HOGA1: variants seen among roughly 807,000 people sequenced by gnomAD.
The protein encoded by HOGA1 is 4-hydroxy-2-oxoglutarate aldolase, mitochondrial.
HOGA1 carries 30 observed loss-of-function variants against 34.3 expected under a neutral mutation model. The observed-to-expected ratio is 0.87, with a 90% CI of 0.65 to 1.19. The LOEUF is 1.19. Ranked by LOEUF, HOGA1 falls within the 50% of genes most tolerant of loss-of-function variation. The pLI is 0.00. For missense variants in HOGA1, 417 were observed against 436.5 expected, an observed-to-expected ratio of 0.96 and a Z score of 0.40; for synonymous variants, 161 against 174.0, an observed-to-expected ratio of 0.93 and a Z score of 0.59.
rs529462497 is a variant in HOGA1 at position 97,603,844 on chromosome 10, G to GTCA, written c.834+1854_834+1855insTCA. Among the ~76,000 whole-genome samples the GTCA allele has an allele frequency of 7.2e-4, 109 of 152,312 alleles. 1 individual carries two copies. The South Asian group carries it at 0.011, about 15-fold the overall frequency. Reference sequence around the variant, plus strand: ...CAAAGTGCTGGGATTACAGGCATGAGCCACTGCGCCTGGCCAAACTTTTTA... The same window carrying GTCA: ...CAAAGTGCTGGGATTACAGGCATGAGTCACCACTGCGCCTGGCCAAACTTTTTA... On this transcript the variant is annotated intron_variant, in intron 6 of 6. Coordinates refer to ENST00000370646, the MANE Select transcript of HOGA1 (RefSeq NM_138413.4). The surrounding 1 kb of genome is among the most constrained non-coding windows in gnomAD (Gnocchi z 4.5).
intron 1 of HOGA1, among the ~76,000 whole-genome samples, chr10:97,598,078 ATGTT>A (rs1018291964): frequency 1.3e-5 from 2 of 152,226 alleles, no homozygotes; most frequent in African/African-American, 4.8e-5. Flanking sequence ...TTTACAGAAA[ATGTT>A]TGTTTCAGCA....
intron 1 of HOGA1, among the ~76,000 whole-genome samples, chr10:97,589,544 G>T (rs1007524706): frequency 2.6e-5 from 4 of 152,020 alleles, no homozygotes; most frequent in African/African-American, 9.7e-5. Context: ...CAGCTGTCAG[G>T]GTAGGAGACA....
chr10:97,588,359 G>A (rs113903447), intron 1 of HOGA1, among the ~76,000 whole-genome samples: 8 of 143,252 alleles, frequency 5.6e-5, no homozygotes, highest in African/African-American at 1.7e-4. Flanking sequence ...CACCATGCAC[G>A]GCTAATTTTT....
At position 97,600,261 on chromosome 10, in the gene HOGA1, G is replaced by A. The variant is rs1589908688; in HGVS notation, c.700+98G>A. The stretch of plus-strand genomic sequence containing the variant: ...GATCGTGAGGGCTGGGGCTGGGTCT[G>A]CAGATGGTAGTTTGCCAGCCTGCCC... On this transcript the variant is annotated intron_variant, in intron 5 of 6. Coordinates refer to ENST00000370646, the MANE Select transcript of HOGA1 (RefSeq NM_138413.4). 5 of 1,026,998 alleles carry A rather than the reference G, an allele frequency of 4.9e-6. No homozygotes were observed. The East Asian group carries it at 1.2e-4, about 24-fold the overall frequency. The allele number at this position is 1,026,998 out of a possible 1,614,324, so 63.6% of individuals were successfully genotyped here. A position where few individuals can be genotyped will look rare whatever the true frequency, so the allele number is the denominator to read the frequency against.
intron 1 of HOGA1, among the ~76,000 whole-genome samples, chr10:97,587,305 G>A (rs1475438904): frequency 6.6e-6 from 1 of 152,140 alleles, no homozygotes; most frequent in Non-Finnish European, 1.5e-5. Flanking sequence ...AGGAGATGAG[G>A]GCCAGGCACA....
chr10:97,593,601 G>A (rs888916781), intron 1 of HOGA1, among the ~76,000 whole-genome samples: 3 of 152,060 alleles, frequency 2.0e-5, no homozygotes, highest in Admixed American at 1.3e-4. Context: ...AACTTTGGCC[G>A]CAGACCAGGG....
chr10:97,601,800 T>G, intron 5 of HOGA1, 57 bp from the exon 6 acceptor site: 1 of 1,609,090 alleles, frequency 6.2e-7, no homozygotes, highest in Non-Finnish European at 8.5e-7. Context: ...GGACCAGGGC[T>G]TGGGATGCCT....
At position 97,584,740 on chromosome 10, in the gene HOGA1, G is replaced by A. The variant is rs2040952744; in HGVS notation, c.37G>A (p.Gly13Arg). Residue 13 changes from glycine (G) to arginine (R), a missense_variant, in exon 1 of 7, where the codon GGG (glycine) becomes AGG (arginine). Physicochemically the swap from Gly to Arg is moderately radical, Grantham distance 125 (BLOSUM62 -2). Transcript: ENST00000370646. ...GPQVWSSVRQ[G>R]LSRSLSRNVG... ...CCAAGTCTGGTCTTCTGTGAGGCAG[G>A]GGCTAAGCAGGAGCTTGTCCAGGAA... 3 of 1,612,412 alleles carry A rather than the reference G, an allele frequency of 1.9e-6. No individual in the cohort carries two copies. The highest frequency in any genetic ancestry group is 1.7e-5 in the Admixed American group (1 of 59,900).
intron 1 of HOGA1, chr10:97,589,814 C>T (rs911146343): frequency 8.5e-6 from 9 of 1,061,080 alleles, no homozygotes; most frequent in South Asian, 5.8e-5. Context: ...GTGTAGGGTC[C>T]TGGAGACCTT....
chr10:97,611,880 T>C lies in HOGA1; in HGVS notation c.*221T>C, dbSNP rs1482532224. 3.4e-6 allele frequency: 2 copies of C among 584,802 alleles called. No individual in the cohort carries two copies. Among genetic ancestry groups the C allele is most frequent in the Non-Finnish European group, 6.1e-6 (2 of 328,938 alleles). 36.2% of individuals were successfully genotyped at this position (584,802 alleles called of 1,614,324 possible). On this transcript the variant is annotated 3_prime_UTR_variant, in exon 7 of 7. Transcript: ENST00000370646. ...CCTCTCCCTTTTGGATCCTAAACTG[T>C]GTCTCTGGTCTGAAGACTGGGAAGG...
In HOGA1 at chr10:97,598,765, T is replaced by C. The variant is rs1021798420; in HGVS notation, c.212-10T>C. ...GATGGGAAGGAGTTAGTCAGCTGTG[T>C]CTCTTGCAGGCTTCGTGGTCCAGGG... On this transcript the variant is annotated splice_polypyrimidine_tract_variant and intron_variant, in intron 1 of 6. Transcript: ENST00000370646. 1.9e-6 allele frequency: 3 copies of C among 1,614,070 alleles called. No homozygotes were observed. Among genetic ancestry groups the C allele is most frequent in the East Asian group, 4.5e-5 (2 of 44,904 alleles).
chr10:97,607,972 A>G (rs1351194587), intron 6 of HOGA1, among the ~76,000 whole-genome samples: 1 of 152,196 alleles, frequency 6.6e-6, no homozygotes, highest in African/African-American at 2.4e-5. Flanking sequence ...CAAACTCATC[A>G]AAACATATTT....
intron 6 of HOGA1, among the ~76,000 whole-genome samples, chr10:97,604,318 A>G (rs2041141791): frequency 6.6e-6 from 1 of 151,940 alleles, no homozygotes. Context: ...GTACCACAGC[A>G]TGTTTATTTA....
intron 1 of HOGA1, among the ~76,000 whole-genome samples, chr10:97,586,136 CA>C (rs574023517): frequency 0.28 from 37,926 of 136,220 alleles, 5,231 homozygotes; most frequent in Middle Eastern, 0.38. Flanking sequence ...GACTCCATCT[CA>C]AAAAAAAAAA....
At chr10:97,606,128 C>CAAAAAAAAAAAAAAAAAAAA (rs60230634) in intron 6 of HOGA1, among the ~76,000 whole-genome samples, 4 of 95,202 alleles carry the variant, frequency 4.2e-5, no homozygotes, top group African/African-American at 8.2e-5. Flanking sequence ...ACTAAAAATA[C>CAAAAAAAAAAAAAAAAAAAA]AAAAAAAAAA....
chr10:97,601,612 C>T (rs2041117487), intron 5 of HOGA1, among the ~76,000 whole-genome samples: 1 of 152,204 alleles, frequency 6.6e-6, no homozygotes, highest in Non-Finnish European at 1.5e-5. Context: ...AGGCTCTGCT[C>T]CCTGCCCCTC....
intron 1 of HOGA1, among the ~76,000 whole-genome samples, chr10:97,593,406 G>A (rs534055945): frequency 6.4e-4 from 98 of 152,248 alleles, no homozygotes; most frequent in Admixed American, 1.3e-3. Flanking sequence ...GAACCTGGGA[G>A]GTGGAGGTTG....
chr10:97,587,859 G>C (rs956561576), intron 1 of HOGA1, among the ~76,000 whole-genome samples: 2 of 151,380 alleles, frequency 1.3e-5, no homozygotes, highest in African/African-American at 4.9e-5. Flanking sequence ...ACCCAGGCTG[G>C]ACTGCAGTGG....
chr10:97,606,311 A>C (rs916083208), intron 6 of HOGA1, among the ~76,000 whole-genome samples: 10 of 151,954 alleles, frequency 6.6e-5, no homozygotes, highest in Non-Finnish European at 1.2e-4. Context: ...GGAAAAAAAA[A>C]AAAATCTTGA....
Sources: allele counts gnomAD v4.1 joint callset (sites outside exome capture counted in the v4.1 genomes callset), GRCh38; gene constraint gnomAD v4.1.1; non-coding constraint Gnocchi (gnomAD v3.1); transcripts MANE v1.5; gene names NCBI Gene and HGNC (gene_info 2026-07-23, HGNC 2026-07-21).